The following GCLM variants were observed in gnomAD, a reference collection of about 807,000 sequenced individuals.
The protein encoded by GCLM is glutamate-cysteine ligase modifier subunit.
In GCLM, 15 loss-of-function variants were observed where a neutral mutation model predicts 36.0. The ratio of observed to expected loss-of-function variants is 0.42; its 90% confidence interval spans 0.28 to 0.64. The LOEUF (loss-of-function observed/expected upper bound fraction) is 0.64. GCLM is among the 30% of genes least tolerant of loss of function. GCLM has a pLI of 0.25. For synonymous variants in GCLM, 129 were observed against 122.8 expected (o/e 1.05, Z -0.34); for missense variants, 242 against 325.5 (o/e 0.74, Z 1.97).
rs1352304509 is a variant in GCLM at position 93,889,170 on chromosome 1, C to A, written c.656-11G>T. 6.5e-7 allele frequency: 1 copy of A among 1,536,642 alleles called. No individual in the cohort carries two copies. Among genetic ancestry groups the A allele is most frequent in the Non-Finnish European group, 8.7e-7 (1 of 1,143,232 alleles). ...CTTCAGAAAGCAGTTCTAAAAGAAA[C>A]AACAACAAACAAAACTCCAGCGTGT... On this transcript the variant is annotated splice_polypyrimidine_tract_variant and intron_variant, in intron 6 of 6. Coordinates refer to ENST00000370238, the MANE Select transcript of GCLM (RefSeq NM_002061.4).
chr1:93,905,173 C>CAAAAAAAAAAAAAAAAAA (rs921621833), intron 1 of GCLM, among the ~76,000 whole-genome samples: 1 of 68,320 alleles, frequency 1.5e-5, no homozygotes, highest in African/African-American at 4.2e-5. Flanking sequence ...ACTCTATTTC[C>CAAAAAAAAAAAAAAAAAA]AAAAAAAAAA....
Position 93,886,786 on chromosome 1 carries a change from T to C in GCLM, c.*2204A>G, listed in dbSNP as rs958645287. 3 of 152,078 alleles carry C rather than the reference T, an allele frequency of 2.0e-5. No homozygotes were observed. Among genetic ancestry groups the C allele is most frequent in the African/African-American group, 4.8e-5 (2 of 41,416 alleles). 9.4% of individuals were successfully genotyped at this position (152,078 alleles called of 1,614,324 possible). A position where few individuals can be genotyped will look rare whatever the true frequency, so the allele number is the denominator to read the frequency against. ...GATATTAAAGTTCCCTCTTAAAATA[T>C]CTTGGCCAGTTCACTGTATAGATTT... On this transcript the variant is annotated 3_prime_UTR_variant, in exon 7 of 7. Coordinates refer to ENST00000370238, the MANE Select transcript of GCLM (RefSeq NM_002061.4).
At position 93,901,669 on chromosome 1, in the gene GCLM, C is replaced by T. The variant is rs1557731154; in HGVS notation, c.193G>A (p.Glu65Lys). ...SSQINPDLVR[E>K]FPDVLECTVS... Reference sequence around the variant, plus strand: ...GTGCATTCCAAGACATCTGGAAACTCCTATAATAAACACAATATTTAAAAC... The same window carrying T: ...GTGCATTCCAAGACATCTGGAAACTTCTATAATAAACACAATATTTAAAAC... The change falls in exon 3 of 7, where the codon GAG (glutamate) becomes AAG (lysine). Residue 65 changes from glutamate to lysine, a missense_variant and splice_region_variant. Coordinates refer to ENST00000370238, the MANE Select transcript of GCLM (RefSeq NM_002061.4). 1.4e-6 allele frequency: 2 copies of T among 1,435,166 alleles called. No homozygotes were observed. The highest frequency in any genetic ancestry group is 1.9e-6 in the Non-Finnish European group (2 of 1,028,556). The allele number at this position is 1,435,166 out of a possible 1,614,324, so 88.9% of individuals were successfully genotyped here.
chr1:93,902,227 G>A (rs7515813), intron 2 of GCLM, among the ~76,000 whole-genome samples: 67,445 of 151,766 alleles, frequency 0.44, 16,842 homozygotes, highest in African/African-American at 0.68. Context: ...GCCCAGGCTG[G>A]AGTGCAGTGG....
In GCLM at chr1:93,894,626, T is replaced by C; in HGVS notation, c.643A>G (p.Asn215Asp). Residue 215 changes from asparagine (N) to aspartate (D), a missense_variant, in exon 6 of 7, where the codon AAT becomes GAT. Transcript: ENST00000370238. ...KQFDIQLLTH[N>D]DPKELLSEAS... ...ATATCAGTTTTACCTTTTGGATCAT[T>C]GTGAGTCAACAGCTGTATGTCAAAT... 6.4e-7 allele frequency: 1 copy of C among 1,561,164 alleles called. No individual in the cohort carries two copies. The highest frequency in any genetic ancestry group is 1.7e-5 in the Admixed American group (1 of 59,860).
At chr1:93,891,349 G>A (rs908486852) in intron 6 of GCLM, among the ~76,000 whole-genome samples, 1 of 152,108 alleles carries the variant, frequency 6.6e-6, no homozygotes, top group Non-Finnish European at 1.5e-5. Flanking sequence ...ATTAGCTTCT[G>A]CCTTTTCCTT....
chr1:93,902,995 T>C (rs1255336401), intron 2 of GCLM, among the ~76,000 whole-genome samples: 1 of 152,200 alleles, frequency 6.6e-6, no homozygotes, highest in Non-Finnish European at 1.5e-5. Context: ...TGCATTCAAG[T>C]TTCCTCTATG....
chr1:93,898,699 A>T (rs151313550), intron 3 of GCLM, among the ~76,000 whole-genome samples: 184 of 152,054 alleles, frequency 1.2e-3, no homozygotes, highest in African/African-American at 4.3e-3. Flanking sequence ...ATCACGGCTC[A>T]CTGCAGCATC....
Position 93,894,671 on chromosome 1 carries a change from A to C in GCLM, c.598T>G (p.Leu200Val). Residue 200 changes from leucine (L) to valine (V), a missense_variant, in exon 6 of 7, where the codon TTG becomes GTG. By Grantham distance (32) the Leu-to-Val change is conservative (BLOSUM62 1). Coordinates refer to ENST00000370238, the MANE Select transcript of GCLM (RefSeq NM_002061.4). ...TCAAATTGTTTAGCAAATGCAGTCA[A>C]ATCTGGTGGCATCACACAGCAGGAG... The part of the protein sequence containing the change: ...LASCCVMPPD[L>V]TAFAKQFDIQ... 1.2e-6 allele frequency: 2 copies of C among 1,612,678 alleles called. No individual in the cohort carries two copies. Among genetic ancestry groups the C allele is most frequent in the South Asian group, 1.1e-5 (1 of 91,026 alleles).
intron 2 of GCLM, among the ~76,000 whole-genome samples, chr1:93,903,532 G>A (rs1657037422): frequency 6.7e-6 from 1 of 148,666 alleles, no homozygotes; most frequent in South Asian, 2.1e-4. Context: ...TGGCCAGACT[G>A]GTCTCAAACT....
chr1:93,902,925 A>G (rs759028062), intron 2 of GCLM, among the ~76,000 whole-genome samples: 3 of 152,202 alleles, frequency 2.0e-5, no homozygotes, highest in Non-Finnish European at 4.4e-5. Context: ...CCAGAATATC[A>G]AATAGTTGAT....
At chr1:93,895,900 C>A (rs1482095776) in intron 5 of GCLM, among the ~76,000 whole-genome samples, 1 of 151,816 alleles carries the variant, frequency 6.6e-6, no homozygotes, top group East Asian at 1.9e-4. Flanking sequence ...ATAAAATATT[C>A]CCTTACTTAG....
rs1407765727 is a variant in GCLM at position 93,901,577 on chromosome 1, G to C, written c.277+8C>G. ...GTAACAAAATAAACAGAAAAGACTGGACTTTACCAGAAACTTTCATTTCTT... is the reference window on the plus strand; with the variant it reads ...GTAACAAAATAAACAGAAAAGACTGCACTTTACCAGAAACTTTCATTTCTT... On this transcript the variant is annotated splice_region_variant and intron_variant, in intron 3 of 6. Coordinates refer to ENST00000370238, the MANE Select transcript of GCLM (RefSeq NM_002061.4). 1 of 1,420,308 alleles carries C rather than the reference G, an allele frequency of 7.0e-7. No individual in the cohort carries two copies. Among genetic ancestry groups the C allele is most frequent in the Non-Finnish European group, 9.9e-7 (1 of 1,006,920 alleles). The allele number at this position is 1,420,308 out of a possible 1,614,324, so 88.0% of individuals were successfully genotyped here. A position where few individuals can be genotyped will look rare whatever the true frequency, so the allele number is the denominator to read the frequency against.
In GCLM at chr1:93,894,553, A is replaced by T. The variant is rs1656654417; in HGVS notation, c.655+61T>A. ...CCACATTTAAAATTATGTATCAACA[A>T]ATACCTTTTTGTAAGACAAAAGCTT... On this transcript the variant is annotated intron_variant, in intron 6 of 6. Coordinates refer to ENST00000370238, the MANE Select transcript of GCLM (RefSeq NM_002061.4). The T allele has an allele frequency of 3.3e-6, 3 of 899,696 alleles. No homozygotes were observed. The South Asian group carries it at 4.1e-5, about 12-fold the overall frequency. 55.7% of individuals were successfully genotyped at this position (899,696 alleles called of 1,614,324 possible).
intron 1 of GCLM, among the ~76,000 whole-genome samples, chr1:93,904,943 G>T (rs1220327535): frequency 6.6e-6 from 1 of 152,150 alleles, no homozygotes; most frequent in African/African-American, 2.4e-5. Flanking sequence ...GGAGGCTGAG[G>T]GGGGCAAATC....
intron 1 of GCLM, 43 bp downstream of exon 1, chr1:93,908,995 A>G: frequency 7.2e-7 from 1 of 1,398,568 alleles, no homozygotes; most frequent in Non-Finnish European, 9.3e-7. Flanking sequence ...GCCCCGCCCG[A>G]GGCCTGCCCC....
At position 93,892,642 on chromosome 1, in the gene GCLM, C is replaced by CA. The variant is rs555011898; in HGVS notation, c.655+1971dup. Among the ~76,000 whole-genome samples the CA allele has an allele frequency of 9.9e-5, 15 of 152,132 alleles. No homozygotes were observed. The South Asian group carries it at 2.9e-3, about 29-fold the overall frequency. On this transcript the variant is annotated intron_variant, in intron 6 of 6. Transcript: ENST00000370238. ...CAACTAAGTATCAAATTATGTAATA[C>CA]AAAAAATATAAAAAAGGATTAAATC...
Position 93,909,321 on chromosome 1 carries a change from G to C in GCLM, c.-158C>G, listed in dbSNP as rs1484256867. ...CGGCTGGAGCCTGGTCTGCGCTCGG[G>C]CCCGAGGGAGGCCGGACGGCGGCTG... is the stretch of plus-strand genomic sequence containing the variant. On this transcript the variant is annotated 5_prime_UTR_variant, in exon 1 of 7. Transcript: ENST00000370238. 52 of 1,037,590 alleles carry C rather than the reference G, an allele frequency of 5.0e-5. No homozygotes were observed. Among genetic ancestry groups the C allele is most frequent in the Non-Finnish European group, 5.8e-5 (50 of 865,310 alleles). The allele number at this position is 1,037,590 out of a possible 1,614,324, so 64.3% of individuals were successfully genotyped here. A position where few individuals can be genotyped will look rare whatever the true frequency, so the allele number is the denominator to read the frequency against.
At chr1:93,893,737 C>T (rs1467470763) in intron 6 of GCLM, among the ~76,000 whole-genome samples, 1 of 152,126 alleles carries the variant, frequency 6.6e-6, no homozygotes, top group Non-Finnish European at 1.5e-5. Flanking sequence ...AAACATTTAT[C>T]TTTGCAAGTT....
Sources: gnomAD v4.1 joint callset for allele counts (sites outside exome capture counted in the v4.1 genomes callset) on GRCh38, gnomAD v4.1.1 for gene constraint, MANE v1.5 for transcripts, NCBI Gene and HGNC (gene_info 2026-07-23, HGNC 2026-07-21) for gene names.